GRIN2A: variants seen among roughly 807,000 people sequenced by gnomAD.
The protein encoded by GRIN2A is glutamate ionotropic receptor NMDA type subunit 2A, also known as glutamate receptor ionotropic, NMDA 2A.
In GRIN2A, 22 loss-of-function variants were observed where a neutral mutation model predicts 113.4. The observed-to-expected ratio is 0.19, with a 90% CI of 0.14 to 0.28. The LOEUF (loss-of-function observed/expected upper bound fraction) is 0.28, where lower values mean the gene tolerates loss of function less well. Among genes scored for constraint, GRIN2A ranks in the 10% least tolerant of loss-of-function variants. The probability of loss-of-function intolerance (pLI) is 1.00; values close to 1 mark genes in which losing one functional copy is unlikely to be tolerated. For synonymous variants in GRIN2A, 827 were observed against 738.4 expected, an observed-to-expected ratio of 1.12 and a Z score of -1.94; for missense variants, 1,502 against 1,887.0, an observed-to-expected ratio of 0.80 and a Z score of 3.78.
intron 10 of GRIN2A, among the ~76,000 whole-genome samples, chr16:9,810,946 A>G (rs1305876599): frequency 6.6e-6 from 1 of 152,170 alleles, no homozygotes; most frequent in East Asian, 1.9e-4. Context: ...CATGGGGTGT[A>G]AACAGTGTCT....
chr16:10,095,907 G>T (rs572018006), intron 2 of GRIN2A, among the ~76,000 whole-genome samples: 1 of 152,242 alleles, frequency 6.6e-6, no homozygotes, highest in South Asian at 2.1e-4. Flanking sequence ...CAAAATGTAA[G>T]CAACTGGTGA....
At chr16:9,977,326 C>A (rs183826877) in intron 2 of GRIN2A, among the ~76,000 whole-genome samples, 2 of 151,640 alleles carry the variant, frequency 1.3e-5, no homozygotes, top group Non-Finnish European at 2.9e-5. Flanking sequence ...GAGGACTGAC[C>A]GGAGTTTGAA....
At chr16:9,822,950 C>T (rs549778553) in intron 9 of GRIN2A, among the ~76,000 whole-genome samples, 3 of 152,346 alleles carry the variant, frequency 2.0e-5, no homozygotes, top group Admixed American at 1.3e-4. Flanking sequence ...TCATTCTCCA[C>T]TCACTCAGTC....
chr16:9,928,578 C>T (rs141520468), intron 3 of GRIN2A, among the ~76,000 whole-genome samples: 4 of 152,222 alleles, frequency 2.6e-5, no homozygotes, highest in African/African-American at 7.2e-5. Context: ...AAAGCTCCAT[C>T]GCCTCCTCAT....
Position 9,829,572 on chromosome 16 carries a change from G to A in GRIN2A, c.1858C>T (p.Gln620Ter), listed in dbSNP as rs1555492779. ...TTGCTGGTGGTCCCTTTAGGATTCT[G>A]GACAGGCACGGAGTTATTGAACACC... is the stretch of plus-strand genomic sequence containing the variant. Reference protein sequence around the residue: ...GLVFNNSVPVQNPKGTTSKIM... With the variant: ...GLVFNNSVPV The change falls in exon 9 of 13, where the codon CAG becomes TAG. Residue 620 changes from glutamine to a stop codon, truncating the protein, a stop_gained. Coordinates refer to ENST00000330684, the MANE Select transcript of GRIN2A (RefSeq NM_001134407.3). LOFTEE classifies it high-confidence loss of function. 6.2e-7 allele frequency: 1 copy of A among 1,613,908 alleles called. No homozygotes were observed. Among genetic ancestry groups the A allele is most frequent in the Non-Finnish European group, 8.5e-7 (1 of 1,179,832 alleles).
At position 9,760,708 on chromosome 16, in the gene GRIN2A, G is replaced by T; in HGVS notation, c.*2441C>A. 1 of 227,202 alleles carries T rather than the reference G, an allele frequency of 4.4e-6. No individual in the cohort carries two copies. Among genetic ancestry groups the T allele is most frequent in the Non-Finnish European group, 8.7e-6 (1 of 114,368 alleles). The allele number at this position is 227,202 out of a possible 1,614,324, so 14.1% of individuals were successfully genotyped here. On this transcript the variant is annotated 3_prime_UTR_variant, in exon 13 of 13. Coordinates refer to ENST00000330684, the MANE Select transcript of GRIN2A (RefSeq NM_001134407.3). ...CTCTGTGGCATTTGGCAGCCCCCTG[G>T]GTTTAGAGGACACCAGAGGAAGACA...
intron 2 of GRIN2A, among the ~76,000 whole-genome samples, chr16:10,114,841 G>A (rs1460077774): frequency 1.3e-5 from 2 of 152,204 alleles, no homozygotes; most frequent in African/African-American, 2.4e-5. Context: ...TCACGCCCCC[G>A]ATGTGCCAGG....
chr16:10,074,957 A>G lies in GRIN2A; in HGVS notation c.414+105041T>C, dbSNP rs1221632040. Among the ~76,000 whole-genome samples, 4 of 152,196 alleles carry G rather than the reference A, an allele frequency of 2.6e-5. No homozygotes were observed. The East Asian group carries it at 7.7e-4, about 29-fold the overall frequency. On this transcript the variant is annotated intron_variant, in intron 2 of 12. Transcript: ENST00000330684. Reference sequence around the variant, plus strand: ...ATTTCTCCTTGCTGGCCTAAGTGCTATTATACATAGATAAAATTTCTGGCT... The same window carrying G: ...ATTTCTCCTTGCTGGCCTAAGTGCTGTTATACATAGATAAAATTTCTGGCT...
chr16:9,984,013 C>T (rs905125202), intron 2 of GRIN2A, among the ~76,000 whole-genome samples: 7 of 152,196 alleles, frequency 4.6e-5, no homozygotes, highest in South Asian at 4.1e-4. Flanking sequence ...TAAATTCCCA[C>T]CAGCAATGTA....
At chr16:9,919,887 C>G (rs1023463215) in intron 3 of GRIN2A, among the ~76,000 whole-genome samples, 1 of 152,224 alleles carries the variant, frequency 6.6e-6, no homozygotes. Context: ...CAATCCAAAA[C>G]GCTCTTTCCT....
intron 2 of GRIN2A, among the ~76,000 whole-genome samples, chr16:10,019,765 C>G (rs1431225185): frequency 6.6e-6 from 1 of 152,206 alleles, no homozygotes; most frequent in African/African-American, 2.4e-5. Flanking sequence ...CTTACACTGA[C>G]TTCCTGGCTG....
chr16:10,071,423 G>A (rs540114601), intron 2 of GRIN2A, among the ~76,000 whole-genome samples: 1 of 152,270 alleles, frequency 6.6e-6, no homozygotes, highest in African/African-American at 2.4e-5. Context: ...TACGGGACGA[G>A]CCATGAATCT....
chr16:10,091,694 G>C (rs982921527), intron 2 of GRIN2A, among the ~76,000 whole-genome samples: 3 of 152,174 alleles, frequency 2.0e-5, no homozygotes, highest in Non-Finnish European at 4.4e-5. Flanking sequence ...AAATAGAAAT[G>C]TAGAAAACAC....
Position 10,179,922 on chromosome 16 carries a change from G to A in GRIN2A, c.414+76C>T, listed in dbSNP as rs1391414229. 14 of 1,124,050 alleles carry A rather than the reference G, an allele frequency of 1.2e-5. No homozygotes were observed. In the East Asian group the frequency reaches 1.5e-4, roughly 12 times the overall value. The allele number at this position is 1,124,050 out of a possible 1,614,324, so 69.6% of individuals were successfully genotyped here. On this transcript the variant is annotated intron_variant, in intron 2 of 12. Transcript: ENST00000330684. The stretch of plus-strand genomic sequence containing the variant: ...TCACATCAAGACAGATTCTAGGGGC[G>A]TCCGAAGACCTGCAGCAGCTGCCAT...
chr16:9,890,481 T>C (rs1374128701), intron 4 of GRIN2A, among the ~76,000 whole-genome samples: 2 of 152,218 alleles, frequency 1.3e-5, no homozygotes, highest in Non-Finnish European at 1.5e-5. Context: ...GTTGAAAATA[T>C]GCTTTATAAG....
Position 9,828,336 on chromosome 16 carries a change from A to G in GRIN2A, c.2007+1087T>C, listed in dbSNP as rs545376145. On this transcript the variant is annotated intron_variant, in intron 9 of 12. Coordinates refer to ENST00000330684, the MANE Select transcript of GRIN2A (RefSeq NM_001134407.3). ...GAGGCACTCTCATGCCTTTGTGGAA[A>G]TGACTCCATCTTTAACCCCAACCCC... is the stretch of plus-strand genomic sequence containing the variant. 5.3e-5 allele frequency among the ~76,000 whole-genome samples: 8 copies of G among 152,316 alleles called. No homozygotes were observed. The South Asian group carries it at 1.7e-3, about 32-fold the overall frequency.
intron 2 of GRIN2A, chr16:10,111,532 C>A (rs2048613989): frequency 1.3e-6 from 1 of 757,254 alleles, no homozygotes; most frequent in Non-Finnish European, 2.4e-6. Context: ...TGAGGTAGAC[C>A]TAACTTCAGC....
At chr16:10,027,016 CT>C (rs2046835150) in intron 2 of GRIN2A, among the ~76,000 whole-genome samples, 2 of 152,150 alleles carry the variant, frequency 1.3e-5, no homozygotes, top group Admixed American at 6.5e-5. Context: ...TTGCCTTTCC[CT>C]AATCCACTTT....
At chr16:9,844,600 A>G (rs1250540324) in intron 5 of GRIN2A, among the ~76,000 whole-genome samples, 2 of 152,188 alleles carry the variant, frequency 1.3e-5, no homozygotes, top group African/African-American at 2.4e-5. Flanking sequence ...GGGATCCAAC[A>G]AATTGTCCAG....
Sources: gnomAD v4.1 joint callset for allele counts (sites outside exome capture counted in the v4.1 genomes callset) on GRCh38, gnomAD v4.1.1 for gene constraint, MANE v1.5 for transcripts, NCBI Gene and HGNC (gene_info 2026-07-23, HGNC 2026-07-21) for gene names.